Variants in RAPGEF5 observed in about 807,000 individuals in gnomAD.
RAPGEF5 encodes M-Ras-regulated GEF.
Under a neutral mutation model 125.2 loss-of-function variants are expected in RAPGEF5, and 65 were observed. That is an observed-to-expected ratio of 0.52 (90% confidence interval 0.43 to 0.64). The LOEUF is 0.64. RAPGEF5 is among the 30% of genes least tolerant of loss of function. The probability of loss-of-function intolerance (pLI) is 0.00; values close to 1 mark genes in which losing one functional copy is unlikely to be tolerated. For missense variants in RAPGEF5, 958 were observed against 1,048.1 expected (o/e 0.91, Z 1.19); for synonymous variants, 391 against 385.9 (o/e 1.01, Z -0.16).
At chr7:22,139,942 T>C in intron 21 of RAPGEF5, 83 bp downstream of exon 21, 10 of 1,206,128 alleles carry the variant, frequency 8.3e-6, no homozygotes, top group Non-Finnish European at 1.2e-5. Flanking sequence ...ATTTTTAGTT[T>C]AGTAGTACTT....
intron 1 of RAPGEF5, chr7:22,355,941 C>T: frequency 1.0e-6 from 1 of 983,140 alleles, no homozygotes. Flanking sequence ...TTAAAGACCA[C>T]TTAATAATAA....
intron 1 of RAPGEF5, among the ~76,000 whole-genome samples, chr7:22,329,415 T>A (rs948771082): frequency 1.3e-5 from 2 of 152,198 alleles, no homozygotes; most frequent in Non-Finnish European, 2.9e-5. Flanking sequence ...GGAAGGCACC[T>A]GTTGCTAGGG....
chr7:22,169,168 C>T (rs1033016232), intron 11 of RAPGEF5, among the ~76,000 whole-genome samples: 11 of 152,150 alleles, frequency 7.2e-5, no homozygotes, highest in African/African-American at 2.7e-4. Flanking sequence ...AACAATGTCA[C>T]ATGAATGGAC....
chr7:22,277,996 C>T (rs1323828850), intron 6 of RAPGEF5, among the ~76,000 whole-genome samples: 8 of 152,152 alleles, frequency 5.3e-5, no homozygotes, highest in Admixed American at 5.2e-4. Flanking sequence ...TACAGAATGA[C>T]ACGGATCCTG....
rs373702274 is a variant in RAPGEF5, at chr7:22,324,601, G to T, written c.232-6564C>A. Among the ~76,000 whole-genome samples, 4 of 152,190 alleles carry T rather than the reference G, an allele frequency of 2.6e-5. No individual in the cohort carries two copies. The East Asian group carries it at 7.7e-4, about 29-fold the overall frequency. ...TCTAAAATTACTTCAAAATAAAAAG[G>T]TTCTTTAAAAAAAGAATAATGACCT... On this transcript the variant is annotated intron_variant, in intron 1 of 25. Transcript: ENST00000665637.
At chr7:22,267,223 T>C (rs1175163387) in intron 6 of RAPGEF5, among the ~76,000 whole-genome samples, 1 of 152,194 alleles carries the variant, frequency 6.6e-6, no homozygotes, top group Non-Finnish European at 1.5e-5. Flanking sequence ...TGAATTACTT[T>C]TTTAAAAGTT....
chr7:22,145,769 C>T (rs1783415751), intron 19 of RAPGEF5, among the ~76,000 whole-genome samples: 1 of 152,126 alleles, frequency 6.6e-6, no homozygotes, highest in Non-Finnish European at 1.5e-5. Context: ...GTGCCCAAGT[C>T]CCGCTGATGA....
intron 1 of RAPGEF5, among the ~76,000 whole-genome samples, chr7:22,352,177 T>G (rs1784342523): frequency 6.6e-6 from 1 of 152,120 alleles, no homozygotes; most frequent in African/African-American, 2.4e-5. Context: ...GCAGAAAACA[T>G]CACAGCAGCC....
intron 7 of RAPGEF5, among the ~76,000 whole-genome samples, chr7:22,262,263 C>T (rs951119148): frequency 6.6e-6 from 1 of 151,942 alleles, no homozygotes; most frequent in African/African-American, 2.4e-5. Flanking sequence ...AAGGCATCAA[C>T]AAACAATTCA....
At chr7:22,166,781 C>T (rs1391529732) in intron 12 of RAPGEF5, among the ~76,000 whole-genome samples, 2 of 152,202 alleles carry the variant, frequency 1.3e-5, no homozygotes, top group Non-Finnish European at 2.9e-5. Context: ...ACCCAGCAGG[C>T]CAATTTTGCC....
chr7:22,297,557 A>G (rs1454036658), intron 5 of RAPGEF5, among the ~76,000 whole-genome samples: 1 of 152,212 alleles, frequency 6.6e-6, no homozygotes, highest in Admixed American at 6.5e-5. Context: ...ATATAAAATG[A>G]GACTGATCAT....
At chr7:22,130,952 T>G in intron 24 of RAPGEF5, 85 bp downstream of exon 24, 1 of 1,500,572 alleles carries the variant, frequency 6.7e-7, no homozygotes, top group Non-Finnish European at 8.9e-7. Context: ...AGAAAAGTAC[T>G]AAAACTATTT....
At chr7:22,324,175 C>A (rs1190216747) in intron 1 of RAPGEF5, among the ~76,000 whole-genome samples, 1 of 152,170 alleles carries the variant, frequency 6.6e-6, no homozygotes, top group East Asian at 1.9e-4. Context: ...ATATGATGAA[C>A]AGAGAAAGGC....
intron 1 of RAPGEF5, among the ~76,000 whole-genome samples, chr7:22,347,913 T>A (rs1784254168): frequency 6.6e-6 from 1 of 152,218 alleles, no homozygotes; most frequent in Admixed American, 6.5e-5. Flanking sequence ...TACCGAAGCA[T>A]TTGCTATATT....
At chr7:22,169,806 G>A (rs963246133) in intron 11 of RAPGEF5, among the ~76,000 whole-genome samples, 4 of 122,606 alleles carry the variant, frequency 3.3e-5, no homozygotes, top group African/African-American at 1.2e-4. Context: ...GTTGCAGTGA[G>A]CCAAGATCAT....
At chr7:22,338,681 A>C (rs1028410603) in intron 1 of RAPGEF5, among the ~76,000 whole-genome samples, 4 of 152,314 alleles carry the variant, frequency 2.6e-5, no homozygotes, top group Middle Eastern at 3.4e-3. Flanking sequence ...TGACCAATGA[A>C]ATACAAGCAA....
chr7:22,299,363 A>C (rs1269952801), intron 5 of RAPGEF5, among the ~76,000 whole-genome samples: 1 of 152,136 alleles, frequency 6.6e-6, no homozygotes, highest in Non-Finnish European at 1.5e-5. Flanking sequence ...ATTTCCAAAT[A>C]GTAGATTTTA....
chr7:22,311,624 A>T (rs1486527397), intron 3 of RAPGEF5, among the ~76,000 whole-genome samples: 1 of 152,224 alleles, frequency 6.6e-6, no homozygotes, highest in East Asian at 1.9e-4. Flanking sequence ...TCACTATTTG[A>T]CAGATACTCT....
intron 23 of RAPGEF5, among the ~76,000 whole-genome samples, chr7:22,135,217 G>T (rs1783042855): frequency 6.6e-6 from 1 of 152,148 alleles, no homozygotes; most frequent in Non-Finnish European, 1.5e-5. Flanking sequence ...CTTAGCAGAA[G>T]TTACAAGCCT....
Sources: allele counts gnomAD v4.1 joint callset (sites outside exome capture counted in the v4.1 genomes callset), GRCh38; gene constraint gnomAD v4.1.1; transcripts MANE v1.5; gene names NCBI Gene and HGNC (gene_info 2026-07-23, HGNC 2026-07-21).